IRF2: variants seen among roughly 807,000 people sequenced by gnomAD.
The protein encoded by IRF2 is interferon regulatory factor 2.
IRF2 carries 15 observed loss-of-function variants against 40.6 expected under a neutral mutation model. The ratio of observed to expected loss-of-function variants is 0.37; its 90% confidence interval spans 0.25 to 0.57. The LOEUF (loss-of-function observed/expected upper bound fraction) is 0.57. IRF2 is among the 20% of genes least tolerant of loss of function. The pLI, the probability that IRF2 is intolerant of heterozygous loss-of-function variation, is 0.77. For synonymous variants in IRF2, 151 were observed against 165.5 expected, an observed-to-expected ratio of 0.91 and a Z score of 0.67; for missense variants, 317 against 455.7, an observed-to-expected ratio of 0.70 and a Z score of 2.77.
intron 1 of IRF2, among the ~76,000 whole-genome samples, chr4:184,457,356 C>T (rs1302374622): frequency 6.6e-6 from 1 of 152,120 alleles, no homozygotes; most frequent in Non-Finnish European, 1.5e-5. Context: ...CTTCTGTGGC[C>T]CGGCGTGACG....
In IRF2 at chr4:184,448,197, C is replaced by A. The variant is rs1001787796; in HGVS notation, c.-6-19127G>T. ...CCAAGTAGGTAAGTAATTTCCAGTA[C>A]AGAGGGAAAGACGACGACAGCCTTT... On this transcript the variant is annotated intron_variant, in intron 1 of 8. Coordinates refer to ENST00000393593, the MANE Select transcript of IRF2 (RefSeq NM_002199.4). The surrounding 1 kb of genome is among the most constrained non-coding windows in gnomAD (Gnocchi z 4.3). Among the ~76,000 whole-genome samples the A allele has an allele frequency of 6.6e-6, 1 of 152,194 alleles. No individual in the cohort carries two copies. Among genetic ancestry groups the A allele is most frequent in the Non-Finnish European group, 1.5e-5 (1 of 68,040 alleles).
At chr4:184,445,103 G>A (rs76686491) in intron 1 of IRF2, among the ~76,000 whole-genome samples, 4,571 of 152,210 alleles carry the variant, frequency 0.03, 233 homozygotes, top group African/African-American at 0.1. Flanking sequence ...AGAGTTCCCC[G>A]TTCACTCACC....
intron 1 of IRF2, among the ~76,000 whole-genome samples, chr4:184,460,680 TGCAC>T (rs1240985669): frequency 1.2e-4 from 12 of 103,336 alleles, no homozygotes; most frequent in East Asian, 6.2e-4. Context: ...CACACACACA[TGCAC>T]GCACACACAC....
At chr4:184,444,212 C>T (rs759879083) in intron 1 of IRF2, among the ~76,000 whole-genome samples, 6 of 152,078 alleles carry the variant, frequency 3.9e-5, no homozygotes, top group Non-Finnish European at 7.4e-5. Context: ...GGAACCTTAT[C>T]TCATATACAG....
intron 5 of IRF2, among the ~76,000 whole-genome samples, chr4:184,411,861 C>T (rs190146341): frequency 7.9e-5 from 12 of 152,152 alleles, no homozygotes; most frequent in South Asian, 6.2e-4. Flanking sequence ...TGCTTTGCTG[C>T]ACCATAACCT....
At chr4:184,442,277 T>C (rs1738341195) in intron 1 of IRF2, among the ~76,000 whole-genome samples, 1 of 152,104 alleles carries the variant, frequency 6.6e-6, no homozygotes. Flanking sequence ...AACACTCCCA[T>C]ACTCCAAAAT....
intron 1 of IRF2, among the ~76,000 whole-genome samples, chr4:184,454,704 G>A (rs1432041490): frequency 6.6e-6 from 1 of 152,142 alleles, no homozygotes. Flanking sequence ...TAATATGGTA[G>A]TGGGAGCTCA....
At chr4:184,424,389 C>T (rs935787096) in intron 2 of IRF2, among the ~76,000 whole-genome samples, 3 of 152,174 alleles carry the variant, frequency 2.0e-5, no homozygotes, top group African/African-American at 7.2e-5. Flanking sequence ...GACATTTAAT[C>T]CCCAATGTGG....
intron 6 of IRF2, among the ~76,000 whole-genome samples, chr4:184,404,241 T>TA (rs944008346): frequency 2.6e-5 from 4 of 152,140 alleles, no homozygotes; most frequent in South Asian, 4.1e-4. Flanking sequence ...CTAGCAGGCA[T>TA]AAAAAATCAG....
intron 1 of IRF2, among the ~76,000 whole-genome samples, chr4:184,452,441 T>C (rs1301346007): frequency 6.6e-6 from 1 of 152,160 alleles, no homozygotes; most frequent in East Asian, 1.9e-4. Context: ...TCTTTGCTCA[T>C]GTTCTCATGC....
rs146296001 is a variant in IRF2, at chr4:184,408,249, C to T, written c.438G>A (p.Gly146=). The T allele has an allele frequency of 8.6e-5, 138 of 1,611,886 alleles. No individual in the cohort carries two copies. Among genetic ancestry groups the T allele is most frequent in the Non-Finnish European group, 1.1e-4 (131 of 1,178,068 alleles). Residue 146 remains glycine (G), a synonymous_variant, in exon 6 of 9, where the codon GGG becomes GGA. Transcript: ENST00000393593. This position sits in a 1 kb window ranked among gnomAD's most constrained non-coding sequence, Gnocchi z 4.9. ...IKQEPVESSL[G]LSNGVSDLSP... is the part of the protein sequence containing the mutation. ...AAAGATCACTTACTCCATTACTAAG[C>T]CCCAGAGATGACTCAACTGGTTCTT...
rs543709965 is a variant in IRF2 at position 184,419,710 on chromosome 4, T to C, written c.88-142A>G. 3.5e-5 allele frequency: 22 copies of C among 627,502 alleles called. No individual in the cohort carries two copies. In the South Asian group the frequency reaches 4.2e-4, roughly 12 times the overall value. The allele number at this position is 627,502 out of a possible 1,614,324, so 38.9% of individuals were successfully genotyped here. Reference sequence around the variant, plus strand: ...GTTGACTGCTGACAAGAAAATCTACTGTAAACCAAACCCACTTCCCCCGCT... The same window carrying C: ...GTTGACTGCTGACAAGAAAATCTACCGTAAACCAAACCCACTTCCCCCGCT... On this transcript the variant is annotated intron_variant, in intron 2 of 8. Coordinates refer to ENST00000393593, the MANE Select transcript of IRF2 (RefSeq NM_002199.4).
intron 5 of IRF2, among the ~76,000 whole-genome samples, chr4:184,410,691 T>C (rs952384754): frequency 6.6e-6 from 1 of 152,208 alleles, no homozygotes; most frequent in Non-Finnish European, 1.5e-5. Context: ...CTGACCTTAT[T>C]TTTTTAGTCA....
chr4:184,432,201 T>A (rs1368302407), intron 1 of IRF2, among the ~76,000 whole-genome samples: 1 of 152,196 alleles, frequency 6.6e-6, no homozygotes, highest in Non-Finnish European at 1.5e-5. Context: ...CTGAAATATA[T>A]CCACAACCCC....
At chr4:184,456,226 AT>A (rs1256498037) in intron 1 of IRF2, among the ~76,000 whole-genome samples, 1 of 152,054 alleles carries the variant, frequency 6.6e-6, no homozygotes, top group African/African-American at 2.4e-5. Context: ...AAATAGATGA[AT>A]TTTTTTCAAA....
chr4:184,403,592 GTCAGACAGACAA>G (rs1274397270), intron 6 of IRF2, among the ~76,000 whole-genome samples: 31 of 152,258 alleles, frequency 2.0e-4, no homozygotes, highest in Middle Eastern at 3.4e-3. Context: ...CTAATTCAAG[GTCAGACAGACAA>G]TCAGCAGCAG....
At chr4:184,451,528 C>T (rs2149913132) in intron 1 of IRF2, among the ~76,000 whole-genome samples, 1 of 152,258 alleles carries the variant, frequency 6.6e-6, no homozygotes, top group East Asian at 1.9e-4. Context: ...TTAGCCCATG[C>T]CAAAGCTGAC....
At chr4:184,398,631 G>A (rs1736553546) in intron 7 of IRF2, among the ~76,000 whole-genome samples, 2 of 151,546 alleles carry the variant, frequency 1.3e-5, no homozygotes, top group Admixed American at 6.6e-5. Context: ...ACTCCAGCCT[G>A]GGAGACAGAG....
At chr4:184,452,307 T>C (rs773497204) in intron 1 of IRF2, among the ~76,000 whole-genome samples, 4 of 152,166 alleles carry the variant, frequency 2.6e-5, no homozygotes, top group Non-Finnish European at 4.4e-5. Flanking sequence ...GCGAAGACCA[T>C]AGGCTTCGGC....
Sources: gnomAD v4.1 joint callset for allele counts (sites outside exome capture counted in the v4.1 genomes callset) on GRCh38, gnomAD v4.1.1 for gene constraint, Gnocchi (gnomAD v3.1) non-coding constraint, MANE v1.5 for transcripts, NCBI Gene and HGNC (gene_info 2026-07-23, HGNC 2026-07-21) for gene names.